Variants in SIPA1L3 observed in about 807,000 individuals in gnomAD.
SIPA1L3 encodes signal induced proliferation associated 1 like 3.
A neutral mutation model predicts 150.1 loss-of-function variants in SIPA1L3; 59 were observed. The ratio of observed to expected loss-of-function variants is 0.39; its 90% CI spans 0.32 to 0.49. The LOEUF (loss-of-function observed/expected upper bound fraction) is 0.49. SIPA1L3 is among the 20% of genes least tolerant of loss of function. The pLI is 0.86. For synonymous variants in SIPA1L3, 1,070 were observed against 1,077.6 expected, an observed-to-expected ratio of 0.99 and a Z score of 0.14; for missense variants, 2,211 against 2,489.5, an observed-to-expected ratio of 0.89 and a Z score of 2.38.
At position 38,193,534 on chromosome 19, in the gene SIPA1L3, C is replaced by T; in HGVS notation, c.4597-3C>T. On this transcript the variant is annotated splice_region_variant and splice_polypyrimidine_tract_variant and intron_variant, in intron 17 of 21. Transcript: ENST00000222345. The stretch of plus-strand genomic sequence containing the variant: ...CCCCCAACATCCCACCCACGCCCCA[C>T]AGCAGTCACCGCAGAAGGGCCTGCA... 1.4e-6 allele frequency: 2 copies of T among 1,471,474 alleles called. No individual in the cohort carries two copies. Among genetic ancestry groups the T allele is most frequent in the Admixed American group, 2.5e-5 (1 of 40,798 alleles). 91.2% of individuals were successfully genotyped at this position (1,471,474 alleles called of 1,614,324 possible).
intron 1 of SIPA1L3, among the ~76,000 whole-genome samples, chr19:37,940,652 C>T (rs550742129): frequency 1.2e-3 from 188 of 152,270 alleles, no homozygotes; most frequent in African/African-American, 4.3e-3. Context: ...CTCCCTCCAG[C>T]TCACTGCAAC....
intron 2 of SIPA1L3, among the ~76,000 whole-genome samples, chr19:38,036,902 C>T (rs1330135483): frequency 6.6e-6 from 1 of 152,148 alleles, no homozygotes; most frequent in East Asian, 1.9e-4. Context: ...CGGAGAGGTG[C>T]ACAGCAGCAC....
At chr19:37,965,652 G>A (rs1344562207) in intron 1 of SIPA1L3, among the ~76,000 whole-genome samples, 2 of 151,910 alleles carry the variant, frequency 1.3e-5, no homozygotes, top group Admixed American at 1.3e-4. Flanking sequence ...CATTTTCTTT[G>A]TAACTTTTTG....
At chr19:38,179,451 A>G (rs1816278503) in intron 15 of SIPA1L3, among the ~76,000 whole-genome samples, 1 of 152,194 alleles carries the variant, frequency 6.6e-6, no homozygotes, top group African/African-American at 2.4e-5. Flanking sequence ...CAAAAGTTAA[A>G]AATAAAAAAT....
chr19:37,924,917 C>T (rs1371763852), intron 1 of SIPA1L3, among the ~76,000 whole-genome samples: 1 of 151,216 alleles, frequency 6.6e-6, no homozygotes, highest in Non-Finnish European at 1.5e-5. Flanking sequence ...GGCGACGTGG[C>T]GTGCACCTGT....
chr19:37,971,858 C>T (rs771046173), intron 1 of SIPA1L3, among the ~76,000 whole-genome samples: 12 of 152,014 alleles, frequency 7.9e-5, no homozygotes, highest in South Asian at 2.1e-4. Context: ...TGAGCCATCA[C>T]GCCCGGCCTG....
At chr19:38,040,559 G>A (rs758844939) in intron 2 of SIPA1L3, among the ~76,000 whole-genome samples, 12 of 152,024 alleles carry the variant, frequency 7.9e-5, no homozygotes, top group East Asian at 1.9e-4. Context: ...ATTCCAGTGC[G>A]AATAATAAAT....
At chr19:38,145,861 G>A (rs188966370) in intron 12 of SIPA1L3, among the ~76,000 whole-genome samples, 6 of 151,782 alleles carry the variant, frequency 4.0e-5, no homozygotes, top group African/African-American at 7.2e-5. Context: ...TCTGTTCTGA[G>A]GCTCTTTTTT....
chr19:38,122,334 G>T (rs1458169976), intron 9 of SIPA1L3, among the ~76,000 whole-genome samples: 2 of 152,126 alleles, frequency 1.3e-5, no homozygotes, highest in Admixed American at 6.6e-5. Flanking sequence ...AAAAAAGGTC[G>T]ACTCCATCCC....
chr19:38,120,991 C>A (rs1971004092), intron 9 of SIPA1L3, among the ~76,000 whole-genome samples: 1 of 152,160 alleles, frequency 6.6e-6, no homozygotes, highest in African/African-American at 2.4e-5. Context: ...TGACCTTGAG[C>A]CAAGTTATTT....
chr19:37,998,008 T>G (rs1179624327), intron 1 of SIPA1L3, among the ~76,000 whole-genome samples: 1 of 152,178 alleles, frequency 6.6e-6, no homozygotes, highest in African/African-American at 2.4e-5. Context: ...CTGCTTGGAT[T>G]CAAATCCCAG....
chr19:38,083,004 A>C lies in SIPA1L3; in HGVS notation c.1439A>C (p.Lys480Thr), dbSNP rs1408697411. ...NASISVLEVP[K>T]EQQRTQSRPR... ...AGCATCTCGGTGTTGGAAGTTCCCA[A>C]GGAGCAGCAGCGGACGCAGAGTCGG... is the stretch of plus-strand genomic sequence containing the variant. The change falls in exon 3 of 22, where the codon AAG (lysine) becomes ACG (threonine). Residue 480 changes from lysine to threonine, a missense_variant. Lys to Thr is a moderately conservative substitution (Grantham distance 78, BLOSUM62 -1). Around this residue, in one of 5 missense-constraint regions of SIPA1L3, gnomAD observed 587 missense variants for 534.5 expected, o/e 1.10. Transcript: ENST00000222345. 41 of 1,613,128 alleles carry C rather than the reference A, an allele frequency of 2.5e-5. No individual in the cohort carries two copies. Among genetic ancestry groups the C allele is most frequent in the Non-Finnish European group, 3.5e-5 (41 of 1,179,944 alleles).
At position 37,987,479 on chromosome 19, in the gene SIPA1L3, A is replaced by T. The variant is rs112387817; in HGVS notation, c.-378-41610A>T. 2.6e-3 allele frequency among the ~76,000 whole-genome samples: 401 copies of T among 152,240 alleles called. 1 individual carries two copies. Among genetic ancestry groups the T allele is most frequent in the African/African-American group, 9.3e-3 (387 of 41,526 alleles). On this transcript the variant is annotated intron_variant, in intron 1 of 21. Coordinates refer to ENST00000222345, the MANE Select transcript of SIPA1L3 (RefSeq NM_015073.3). ...GGGCTAGATCACTCTTTGATGTCAG[A>T]ATTGTCCTGTGCATATTATGGGCTG... is the stretch of plus-strand genomic sequence containing the variant.
At chr19:38,187,367 G>A (rs1168766305) in intron 16 of SIPA1L3, among the ~76,000 whole-genome samples, 3 of 151,710 alleles carry the variant, frequency 2.0e-5, no homozygotes, top group East Asian at 1.9e-4. Context: ...CAGGAGAATC[G>A]CTAGAACCTG....
chr19:38,005,031 C>G (rs1031787806), intron 1 of SIPA1L3, among the ~76,000 whole-genome samples: 3 of 152,080 alleles, frequency 2.0e-5, no homozygotes, highest in Non-Finnish European at 4.4e-5. Flanking sequence ...ATGTCTCCCT[C>G]CGGACTAACC....
chr19:37,962,234 C>A (rs1040850615), intron 1 of SIPA1L3, among the ~76,000 whole-genome samples: 5 of 151,480 alleles, frequency 3.3e-5, no homozygotes, highest in African/African-American at 4.9e-5. Context: ...ACCTCCGCCT[C>A]CGGAGTTCAA....
chr19:38,078,415 C>A (rs1969895480), intron 2 of SIPA1L3, among the ~76,000 whole-genome samples: 1 of 151,394 alleles, frequency 6.6e-6, no homozygotes, highest in African/African-American at 2.4e-5. Flanking sequence ...TTAGGAAAAG[C>A]CCCCCTACAC....
chr19:38,000,943 CATATAACACACATATA>C (rs1967784853), intron 1 of SIPA1L3, among the ~76,000 whole-genome samples: 1 of 108,482 alleles, frequency 9.2e-6, no homozygotes, highest in African/African-American at 3.9e-5. Flanking sequence ...ACATATATAA[CATATAACACACATATA>C]ACACATATAT....
chr19:38,107,096 C>T (rs1970639274), intron 7 of SIPA1L3, among the ~76,000 whole-genome samples: 1 of 152,232 alleles, frequency 6.6e-6, no homozygotes, highest in African/African-American at 2.4e-5. Flanking sequence ...CCATTTCTCA[C>T]CTCCACTTTT....
Sources: allele counts gnomAD v4.1 joint callset (sites outside exome capture counted in the v4.1 genomes callset), GRCh38; gene constraint gnomAD v4.1.1; regional missense constraint gnomAD v4.1.1; transcripts MANE v1.5; gene names NCBI Gene and HGNC (gene_info 2026-07-23, HGNC 2026-07-21).